E2F3: variants seen among roughly 807,000 people sequenced by gnomAD.
E2F3 encodes the protein transcription factor E2F3.
In E2F3, 11 loss-of-function variants were observed where a neutral mutation model predicts 44.4. The ratio of observed to expected loss-of-function variants is 0.25; its 90% CI spans 0.16 to 0.41. The LOEUF is 0.41. Among genes scored for constraint, E2F3 ranks in the 10% least tolerant of loss-of-function variants. The probability of loss-of-function intolerance (pLI) is 1.00; values close to 1 mark genes in which losing one functional copy is unlikely to be tolerated. For synonymous variants in E2F3, 249 were observed against 253.0 expected, an observed-to-expected ratio of 0.98 and a Z score of 0.15; for missense variants, 487 against 583.6, an observed-to-expected ratio of 0.83 and a Z score of 1.70.
At chr6:20,487,514 G>T (rs540882991) in intron 5 of E2F3, among the ~76,000 whole-genome samples, 1 of 152,266 alleles carries the variant, frequency 6.6e-6, no homozygotes, top group Admixed American at 6.5e-5. Context: ...CTATTCATCA[G>T]TATACAGTTC....
Position 20,486,669 on chromosome 6 carries a change from G to A in E2F3, c.885-20G>A. ...TTATATCTGAGGTAATTAGATGGAA[G>A]ATTCCTTGACACTCTTTACGTTAGC... On this transcript the variant is annotated intron_variant, in intron 4 of 6. Coordinates refer to ENST00000346618, the MANE Select transcript of E2F3 (RefSeq NM_001949.5). 7.7e-7 allele frequency: 1 copy of A among 1,303,110 alleles called. No individual in the cohort carries two copies. The highest frequency in any genetic ancestry group is 1.1e-6 in the Non-Finnish European group (1 of 912,466). The allele number at this position is 1,303,110 out of a possible 1,614,324, so 80.7% of individuals were successfully genotyped here. A position where few individuals can be genotyped will look rare whatever the true frequency, so the allele number is the denominator to read the frequency against.
At chr6:20,463,462 C>A (rs1761595059) in intron 1 of E2F3, among the ~76,000 whole-genome samples, 2 of 152,290 alleles carry the variant, frequency 1.3e-5, no homozygotes, top group Admixed American at 6.5e-5. Context: ...ATTCCTTCGC[C>A]TAGATCTGTT....
Position 20,462,959 on chromosome 6 carries a change from C to T in E2F3, c.394-16887C>T, listed in dbSNP as rs867607216. ...AACTCCTGAGCTCAAGCAATCCTTC[C>T]ACCTCAGCCCCCATTCACTCTTTAG... On this transcript the variant is annotated intron_variant, in intron 1 of 6. Coordinates refer to ENST00000346618, the MANE Select transcript of E2F3 (RefSeq NM_001949.5). Among the ~76,000 whole-genome samples the T allele has an allele frequency of 4.1e-5, 6 of 144,698 alleles. 1 individual carries two copies. Among genetic ancestry groups the T allele is most frequent in the Non-Finnish European group, 9.0e-5 (6 of 66,630 alleles). 94.9% of individuals were successfully genotyped at this position (144,698 alleles called of 152,430 possible).
rs1320669055 is a variant in E2F3 at position 20,402,158 on chromosome 6, T to C, written c.-75T>C. 2.0e-6 allele frequency: 3 copies of C among 1,474,074 alleles called. No homozygotes were observed. The highest frequency in any genetic ancestry group is 1.8e-6 in the Non-Finnish European group (2 of 1,120,220). The allele number at this position is 1,474,074 out of a possible 1,614,324, so 91.3% of individuals were successfully genotyped here. A position where few individuals can be genotyped will look rare whatever the true frequency, so the allele number is the denominator to read the frequency against. On this transcript the variant is annotated 5_prime_UTR_variant, in exon 1 of 7. Coordinates refer to ENST00000346618, the MANE Select transcript of E2F3 (RefSeq NM_001949.5). The surrounding 1 kb of genome is among the most constrained non-coding windows in gnomAD (Gnocchi z 5.6). Reference sequence around the variant, plus strand: ...AGAGAAGGAGGAGAGACTTGGAAACTCCGACTGCAAATAATAAAGAAATTG... The same window carrying C: ...AGAGAAGGAGGAGAGACTTGGAAACCCCGACTGCAAATAATAAAGAAATTG...
chr6:20,466,946 C>G (rs1393675354), intron 1 of E2F3, among the ~76,000 whole-genome samples: 1 of 152,166 alleles, frequency 6.6e-6, no homozygotes, highest in African/African-American at 2.4e-5. Context: ...TCCCAAAGTG[C>G]TGGGATTACA....
Position 20,402,765 on chromosome 6 carries a change from G to C in E2F3, c.393+140G>C, listed in dbSNP as rs1238574905. ...GCCTCGGGGGCTGCCCCTCCAACGAGGGTTCATTGTTAGACCTGAGTGCTC... is the reference window on the plus strand; with the variant it reads ...GCCTCGGGGGCTGCCCCTCCAACGACGGTTCATTGTTAGACCTGAGTGCTC... On this transcript the variant is annotated intron_variant, in intron 1 of 6. Coordinates refer to ENST00000346618, the MANE Select transcript of E2F3 (RefSeq NM_001949.5). The surrounding 1 kb of genome is among the most constrained non-coding windows in gnomAD (Gnocchi z 5.6). The C allele has an allele frequency of 1.6e-6, 2 of 1,246,466 alleles. No homozygotes were observed. The highest frequency in any genetic ancestry group is 2.0e-6 in the Non-Finnish European group (2 of 996,356). The allele number at this position is 1,246,466 out of a possible 1,614,324, so 77.2% of individuals were successfully genotyped here.
chr6:20,407,923 G>A (rs762429255), intron 1 of E2F3, among the ~76,000 whole-genome samples: 1 of 152,214 alleles, frequency 6.6e-6, no homozygotes, highest in African/African-American at 2.4e-5. Context: ...CACCTGAAAG[G>A]TGGTAAAAGC....
intron 3 of E2F3, among the ~76,000 whole-genome samples, chr6:20,481,836 C>T (rs956229404): frequency 4.6e-5 from 7 of 151,986 alleles, no homozygotes; most frequent in Non-Finnish European, 7.4e-5. Flanking sequence ...TATGTGTATA[C>T]GTACAACTGC....
chr6:20,473,545 G>A (rs1761956831), intron 1 of E2F3, among the ~76,000 whole-genome samples: 1 of 152,162 alleles, frequency 6.6e-6, no homozygotes, highest in Admixed American at 6.5e-5. Context: ...ATCTATCAGT[G>A]GTATTAATAA....
At chr6:20,445,743 T>A (rs891323093) in intron 1 of E2F3, among the ~76,000 whole-genome samples, 1 of 152,204 alleles carries the variant, frequency 6.6e-6, no homozygotes, top group Admixed American at 6.5e-5. Context: ...ATAGGCTAAT[T>A]GATATACATA....
intron 1 of E2F3, among the ~76,000 whole-genome samples, chr6:20,405,811 G>C (rs1581562166): frequency 6.6e-6 from 1 of 152,198 alleles, no homozygotes; most frequent in Non-Finnish European, 1.5e-5. Context: ...GGCAGAGCGA[G>C]ATTCCGTCTC....
At chr6:20,488,751 T>C (rs905943624) in intron 6 of E2F3, among the ~76,000 whole-genome samples, 15 of 152,214 alleles carry the variant, frequency 9.9e-5, no homozygotes, top group African/African-American at 2.9e-4. Context: ...ATCCCAGCAC[T>C]TTGGGAGGCC....
chr6:20,425,051 G>A (rs548949431), intron 1 of E2F3, among the ~76,000 whole-genome samples: 14 of 152,306 alleles, frequency 9.2e-5, no homozygotes, highest in Non-Finnish European at 1.8e-4. Context: ...ACAGAGTAGA[G>A]TGTTTATTGC....
chr6:20,427,630 G>A (rs568576425), intron 1 of E2F3, among the ~76,000 whole-genome samples: 27 of 152,268 alleles, frequency 1.8e-4, no homozygotes, highest in African/African-American at 6.0e-4. Context: ...GGGGACCTCA[G>A]GGAGGTTTTG....
chr6:20,469,813 A>G (rs1761832296), intron 1 of E2F3, among the ~76,000 whole-genome samples: 1 of 152,172 alleles, frequency 6.6e-6, no homozygotes, highest in Non-Finnish European at 1.5e-5. Flanking sequence ...CTTCTCTGAG[A>G]TAGTCTGGTT....
At chr6:20,412,128 G>A (rs1325343014) in intron 1 of E2F3, among the ~76,000 whole-genome samples, 1 of 152,160 alleles carries the variant, frequency 6.6e-6, no homozygotes, top group Non-Finnish European at 1.5e-5. Flanking sequence ...GACTAAACAG[G>A]CGGTAGGGAG....
intron 6 of E2F3, 102 bp downstream of exon 6, chr6:20,488,350 T>C: frequency 7.5e-7 from 1 of 1,340,372 alleles, no homozygotes. Flanking sequence ...CACAAACTTC[T>C]ATTGGTATTA....
At chr6:20,463,768 C>T (rs1268595130) in intron 1 of E2F3, among the ~76,000 whole-genome samples, 4 of 152,276 alleles carry the variant, frequency 2.6e-5, no homozygotes, top group African/African-American at 9.6e-5. Context: ...TGGGTGTCCC[C>T]CAGTTCAATT....
intron 4 of E2F3, among the ~76,000 whole-genome samples, chr6:20,486,485 G>A (rs1762396811): frequency 6.6e-6 from 1 of 152,132 alleles, no homozygotes; most frequent in Non-Finnish European, 1.5e-5. Flanking sequence ...TGTTAGCCAG[G>A]TTGGTCTCCA....
Sources: allele counts gnomAD v4.1 joint callset (sites outside exome capture counted in the v4.1 genomes callset), GRCh38; gene constraint gnomAD v4.1.1; non-coding constraint Gnocchi (gnomAD v3.1); transcripts MANE v1.5; gene names NCBI Gene and HGNC (gene_info 2026-07-23, HGNC 2026-07-21).